The following GABBR2 variants were observed in gnomAD, a reference collection of about 807,000 sequenced individuals.
GABBR2 encodes the protein gamma-aminobutyric acid type B receptor subunit 2, also known as G-protein coupled receptor 51.
In GABBR2, 23 loss-of-function variants were observed where a neutral mutation model predicts 105.6. That is an observed-to-expected ratio of 0.22 (90% confidence interval 0.16 to 0.31). The LOEUF (loss-of-function observed/expected upper bound fraction) is 0.31, where lower values mean the gene tolerates loss of function less well. Ranked by LOEUF, GABBR2 falls within the 10% of genes least tolerant of loss-of-function variation. The pLI is 1.00. For missense variants in GABBR2, 734 were observed against 1,245.5 expected, an observed-to-expected ratio of 0.59 and a Z score of 6.18; for synonymous variants, 478 against 499.7, an observed-to-expected ratio of 0.96 and a Z score of 0.58.
At chr9:98,645,106 A>T (rs1387567456) in intron 1 of GABBR2, among the ~76,000 whole-genome samples, 1 of 152,184 alleles carries the variant, frequency 6.6e-6, no homozygotes, top group Non-Finnish European at 1.5e-5. Flanking sequence ...CTGGCTTGCC[A>T]TGAATCCTAG....
Position 98,674,294 on chromosome 9 carries a change from C to T in GABBR2, c.321+34123G>A, listed in dbSNP as rs146143234. ...AAATCCATCCACACAGCCCAGGAAT[C>T]GCAGTGGTGTCATCAACATTACTCT... On this transcript the variant is annotated intron_variant, in intron 1 of 18. Transcript: ENST00000259455. Among the ~76,000 whole-genome samples the T allele has an allele frequency of 3.3e-5, 5 of 152,320 alleles. No individual in the cohort carries two copies. In the East Asian group the frequency reaches 5.8e-4, roughly 18 times the overall value.
chr9:98,651,156 T>G (rs1447174999), intron 1 of GABBR2, among the ~76,000 whole-genome samples: 2 of 151,124 alleles, frequency 1.3e-5, no homozygotes, highest in Non-Finnish European at 3.0e-5. Flanking sequence ...TTTTTTTTTT[T>G]TTTTTTTGAG....
intron 13 of GABBR2, among the ~76,000 whole-genome samples, chr9:98,321,693 C>T (rs1163276101): frequency 6.6e-6 from 1 of 152,172 alleles, no homozygotes; most frequent in Non-Finnish European, 1.5e-5. Context: ...TGAAGAGGAA[C>T]CTGGTCCCTC....
chr9:98,619,326 G>T (rs1056451476), intron 1 of GABBR2, among the ~76,000 whole-genome samples: 4 of 151,930 alleles, frequency 2.6e-5, no homozygotes, highest in Non-Finnish European at 5.9e-5. Context: ...ATTTGAGGGA[G>T]ATTTATAAAA....
intron 6 of GABBR2, among the ~76,000 whole-genome samples, chr9:98,469,303 A>T (rs2074481153): frequency 6.6e-6 from 1 of 152,200 alleles, no homozygotes; most frequent in South Asian, 2.1e-4. Flanking sequence ...GAAGTGTCAC[A>T]CACATTCAAA....
In GABBR2 at chr9:98,302,466, G is replaced by A. The variant is rs773922051; in HGVS notation, c.2412+775C>T. On this transcript the variant is annotated intron_variant, in intron 16 of 18. Coordinates refer to ENST00000259455, the MANE Select transcript of GABBR2 (RefSeq NM_005458.8). ...CCCCAACCGGGCCCTCTCTTTTCAC[G>A]GCCATTAGGTAAAAGGGAAATAAAC... 1.6e-3 allele frequency among the ~76,000 whole-genome samples: 248 copies of A among 152,292 alleles called. 2 individuals are homozygous for A. The highest frequency in any genetic ancestry group is 2.8e-3 in the Non-Finnish European group (191 of 68,030).
chr9:98,421,347 C>G (rs750995476), intron 7 of GABBR2, among the ~76,000 whole-genome samples: 1 of 152,062 alleles, frequency 6.6e-6, no homozygotes, highest in Non-Finnish European at 1.5e-5. Flanking sequence ...TAAAAATCGA[C>G]GAGGAACAGG....
At chr9:98,673,876 T>G (rs1484018165) in intron 1 of GABBR2, among the ~76,000 whole-genome samples, 3 of 152,176 alleles carry the variant, frequency 2.0e-5, no homozygotes, top group African/African-American at 7.2e-5. Flanking sequence ...CTGAAGGTCA[T>G]GAGGAGCCCT....
At chr9:98,520,542 A>G (rs894804837) in intron 3 of GABBR2, among the ~76,000 whole-genome samples, 3 of 152,190 alleles carry the variant, frequency 2.0e-5, no homozygotes, top group Non-Finnish European at 4.4e-5. Flanking sequence ...GCAGTGATGG[A>G]GGAGCCTCTG....
At chr9:98,305,058 C>T (rs1387247643) in intron 15 of GABBR2, among the ~76,000 whole-genome samples, 2 of 152,066 alleles carry the variant, frequency 1.3e-5, no homozygotes, top group African/African-American at 4.8e-5. Context: ...CAGGCACGAG[C>T]CACCATGCCT....
chr9:98,628,599 G>A (rs551624097), intron 1 of GABBR2, among the ~76,000 whole-genome samples: 1 of 151,952 alleles, frequency 6.6e-6, no homozygotes, highest in Non-Finnish European at 1.5e-5. Context: ...TATTAGCTAC[G>A]CTGCTGTACT....
At chr9:98,571,761 G>A (rs1003936561) in intron 2 of GABBR2, among the ~76,000 whole-genome samples, 8 of 152,158 alleles carry the variant, frequency 5.3e-5, no homozygotes, top group African/African-American at 1.9e-4. Flanking sequence ...GGCCCACAGG[G>A]AACTCATGAC....
At chr9:98,399,139 A>G (rs1161769456) in intron 8 of GABBR2, among the ~76,000 whole-genome samples, 1 of 152,022 alleles carries the variant, frequency 6.6e-6, no homozygotes, top group Admixed American at 6.5e-5. Flanking sequence ...GCAGATCATG[A>G]GGTCAGGAGT....
chr9:98,427,115 T>A (rs940327135), intron 7 of GABBR2, among the ~76,000 whole-genome samples: 2 of 152,226 alleles, frequency 1.3e-5, no homozygotes. Context: ...AGGAGGTTCT[T>A]CTAGCGGCAG....
intron 1 of GABBR2, among the ~76,000 whole-genome samples, chr9:98,692,054 T>C (rs1461467487): frequency 1.3e-5 from 2 of 152,200 alleles, no homozygotes; most frequent in Admixed American, 6.5e-5. Context: ...GCAGGTACTA[T>C]TATTATCACC....
chr9:98,317,594 A>C (rs7028502), intron 13 of GABBR2, among the ~76,000 whole-genome samples: 1 of 152,134 alleles, frequency 6.6e-6, no homozygotes, highest in Admixed American at 6.5e-5. Context: ...TTTACAGTGT[A>C]GTTAATGGGA....
At chr9:98,527,107 TTA>T (rs200603771) in intron 3 of GABBR2, among the ~76,000 whole-genome samples, 3,395 of 141,378 alleles carry the variant, frequency 0.024, 107 homozygotes, top group South Asian at 0.1. Context: ...AATATATATA[TTA>T]TATATATATA....
chr9:98,554,971 C>T (rs1243550412), intron 2 of GABBR2, among the ~76,000 whole-genome samples: 2 of 152,174 alleles, frequency 1.3e-5, no homozygotes, highest in Non-Finnish European at 2.9e-5. Flanking sequence ...CCTCCCTGTG[C>T]AACCTCAGAA....
chr9:98,288,513 T>C lies in GABBR2; in HGVS notation c.*2071A>G, dbSNP rs756914974. ...AATACTTTTGTTTGTTTTCCTGCTA[T>C]GCTGGAATAATATTTCTACAGGTAT... On this transcript the variant is annotated 3_prime_UTR_variant, in exon 19 of 19. Coordinates refer to ENST00000259455, the MANE Select transcript of GABBR2 (RefSeq NM_005458.8). The C allele has an allele frequency of 6.6e-6, 1 of 152,510 alleles. No individual in the cohort carries two copies. Among genetic ancestry groups the C allele is most frequent in the Non-Finnish European group, 1.5e-5 (1 of 68,024 alleles). 9.4% of individuals were successfully genotyped at this position (152,510 alleles called of 1,614,324 possible).
Sources: allele counts gnomAD v4.1 joint callset (sites outside exome capture counted in the v4.1 genomes callset), GRCh38; gene constraint gnomAD v4.1.1; transcripts MANE v1.5; gene names NCBI Gene and HGNC (gene_info 2026-07-23, HGNC 2026-07-21).